Variants in FHIP1A observed in about 807,000 individuals in gnomAD.
FHIP1A encodes the protein FHF complex subunit HOOK-interacting protein 1A.
Under a neutral mutation model 88.6 loss-of-function variants are expected in FHIP1A, and 61 were observed. That is an observed-to-expected ratio of 0.69 (90% CI 0.56 to 0.85). The LOEUF (loss-of-function observed/expected upper bound fraction) is 0.85, where lower values mean the gene tolerates loss of function less well. Among genes scored for constraint, FHIP1A ranks in the 40% least tolerant of loss-of-function variants. The pLI is 0.00. For missense variants in FHIP1A, 1,154 were observed against 1,273.5 expected (o/e 0.91, Z 1.43); for synonymous variants, 478 against 496.0 (o/e 0.96, Z 0.48).
At chr4:151,515,980 C>A (rs1288211874) in intron 3 of FHIP1A, among the ~76,000 whole-genome samples, 1 of 152,148 alleles carries the variant, frequency 6.6e-6, no homozygotes, top group East Asian at 1.9e-4. Flanking sequence ...AAAAAAAGAG[C>A]CCACATCGCC....
chr4:151,591,369 C>T (rs1341192117), intron 7 of FHIP1A, among the ~76,000 whole-genome samples: 4 of 152,102 alleles, frequency 2.6e-5, no homozygotes, highest in Admixed American at 6.5e-5. Flanking sequence ...CTCAGGTCCA[C>T]TGGAGGGACT....
At chr4:151,567,613 C>T (rs992690948) in intron 4 of FHIP1A, among the ~76,000 whole-genome samples, 3 of 152,010 alleles carry the variant, frequency 2.0e-5, no homozygotes, top group Admixed American at 1.3e-4. Context: ...TATTTTAAAG[C>T]AGTATCTCCA....
At chr4:151,527,629 T>G (rs1731728440) in intron 3 of FHIP1A, among the ~76,000 whole-genome samples, 1 of 152,176 alleles carries the variant, frequency 6.6e-6, no homozygotes, top group Non-Finnish European at 1.5e-5. Context: ...TTATTATTGT[T>G]ATTATTTTTA....
intron 1 of FHIP1A, among the ~76,000 whole-genome samples, chr4:151,441,081 C>T (rs1728395893): frequency 6.6e-6 from 1 of 152,118 alleles, no homozygotes; most frequent in Non-Finnish European, 1.5e-5. Context: ...TTCTGGGCTC[C>T]CAAACACTAT....
intron 3 of FHIP1A, among the ~76,000 whole-genome samples, chr4:151,517,628 G>T (rs1731292100): frequency 6.6e-6 from 1 of 152,020 alleles, no homozygotes; most frequent in Non-Finnish European, 1.5e-5. Context: ...ACTGCATAAA[G>T]ATGCCTTGGT....
At chr4:151,574,079 G>A (rs1196218657) in intron 4 of FHIP1A, among the ~76,000 whole-genome samples, 2 of 152,200 alleles carry the variant, frequency 1.3e-5, no homozygotes, top group East Asian at 3.8e-4. Context: ...TGTCTGCCTG[G>A]AAAGGAAAAG....
intron 10 of FHIP1A, 64 bp from the exon 11 acceptor site, chr4:151,649,395 A>G (rs945870031): frequency 8.0e-7 from 1 of 1,244,602 alleles, no homozygotes; most frequent in Non-Finnish European, 1.1e-6. Flanking sequence ...ATGGGTCACA[A>G]CCCCATCCAC....
chr4:151,536,774 A>G (rs1322758555), intron 3 of FHIP1A, among the ~76,000 whole-genome samples: 2 of 152,340 alleles, frequency 1.3e-5, no homozygotes, highest in East Asian at 3.9e-4. Flanking sequence ...GAACATTTGT[A>G]TACGGGTTTT....
intron 5 of FHIP1A, among the ~76,000 whole-genome samples, chr4:151,581,705 T>C (rs1734033082): frequency 6.6e-6 from 1 of 152,088 alleles, no homozygotes; most frequent in Non-Finnish European, 1.5e-5. Flanking sequence ...AAAAAAGCCC[T>C]CTTTATGTTG....
chr4:151,442,124 C>T (rs1388848397), intron 1 of FHIP1A, among the ~76,000 whole-genome samples: 1 of 152,128 alleles, frequency 6.6e-6, no homozygotes, highest in Non-Finnish European at 1.5e-5. Flanking sequence ...AACAATACCA[C>T]ACTGCTCACA....
chr4:151,493,326 CA>C (rs1195407353), intron 3 of FHIP1A, among the ~76,000 whole-genome samples: 2 of 151,960 alleles, frequency 1.3e-5, no homozygotes, highest in Non-Finnish European at 2.9e-5. Flanking sequence ...GAGATTGAAA[CA>C]GTAATAAAAA....
rs534114546 is a variant in FHIP1A, at chr4:151,606,075, G to A, written c.978+17149G>A. 5.9e-5 allele frequency among the ~76,000 whole-genome samples: 9 copies of A among 152,280 alleles called. No homozygotes were observed. In the South Asian group the frequency reaches 1.4e-3, roughly 25 times the overall value. On this transcript the variant is annotated intron_variant, in intron 7 of 13. Coordinates refer to ENST00000435205, the MANE Select transcript of FHIP1A (RefSeq NM_001109977.3). ...AGTTTGCAGGAGGAATACACTGATC[G>A]CTTATGTCATAGTGAGGAGTGGGCA...
At chr4:151,571,520 T>C (rs1733602541) in intron 4 of FHIP1A, among the ~76,000 whole-genome samples, 1 of 152,142 alleles carries the variant, frequency 6.6e-6, no homozygotes. Context: ...GATAATATAC[T>C]TGAGTTATGG....
chr4:151,471,355 A>G (rs1729507422), intron 2 of FHIP1A, among the ~76,000 whole-genome samples: 1 of 151,178 alleles, frequency 6.6e-6, no homozygotes, highest in Non-Finnish European at 1.5e-5. Flanking sequence ...AAACCACCAA[A>G]ACAGCACTCT....
chr4:151,535,046 C>G (rs964525787), intron 3 of FHIP1A: 1 of 152,146 alleles, frequency 6.6e-6, no homozygotes, highest in East Asian at 1.9e-4. Flanking sequence ...AGGAGACTGT[C>G]TCTACAAAAA....
chr4:151,447,826 C>G (rs1728660021), intron 1 of FHIP1A, among the ~76,000 whole-genome samples: 1 of 152,298 alleles, frequency 6.6e-6, no homozygotes, highest in Middle Eastern at 3.4e-3. Flanking sequence ...AATGAGAAGA[C>G]AGCCATCTGC....
intron 4 of FHIP1A, among the ~76,000 whole-genome samples, chr4:151,567,824 A>T (rs1005061355): frequency 6.6e-6 from 1 of 152,172 alleles, no homozygotes; most frequent in Non-Finnish European, 1.5e-5. Context: ...TTAGTGCATA[A>T]TCATATGTTT....
Position 151,570,735 on chromosome 4 carries a change from T to C in FHIP1A, c.105+4371T>C, listed in dbSNP as rs1202850185. 3.9e-5 allele frequency among the ~76,000 whole-genome samples: 6 copies of C among 152,298 alleles called. 1 individual carries two copies. The highest frequency in any genetic ancestry group is 3.9e-4 in the Admixed American group (6 of 15,300). On this transcript the variant is annotated intron_variant, in intron 4 of 13. Transcript: ENST00000435205. ...ATTGCCCGGAACAGAGTGTGACATA[T>C]AGTAGATGTTCAATAAATGATTGAA...
chr4:151,482,689 T>G (rs1196295478), intron 3 of FHIP1A, 41 bp downstream of exon 3: 1 of 151,614 alleles, frequency 6.6e-6, no homozygotes, highest in Non-Finnish European at 1.5e-5. Context: ...ATGTGTTCAG[T>G]AATGCTCAAT....
Sources: gnomAD v4.1 joint callset for allele counts (sites outside exome capture counted in the v4.1 genomes callset) on GRCh38, gnomAD v4.1.1 for gene constraint, MANE v1.5 for transcripts, NCBI Gene and HGNC (gene_info 2026-07-23, HGNC 2026-07-21) for gene names.